Variants in SSR2 observed in about 807,000 individuals in gnomAD.
SSR2 encodes signal sequence receptor subunit 2, also known as translocon-associated protein subunit beta.
Under a neutral mutation model 22.6 loss-of-function variants are expected in SSR2, and 16 were observed. The ratio of observed to expected loss-of-function variants is 0.71; its 90% confidence interval spans 0.48 to 1.08. The LOEUF (loss-of-function observed/expected upper bound fraction) is 1.08, where lower values mean the gene tolerates loss of function less well. Among genes scored for constraint, SSR2 ranks in the 50% least tolerant of loss-of-function variants. The pLI is 0.00. For synonymous variants in SSR2, 83 were observed against 91.2 expected (o/e 0.91, Z 0.51); for missense variants, 171 against 221.6 (o/e 0.77, Z 1.45).
At chr1:156,017,960 G>C (rs1191114172) in intron 3 of SSR2, among the ~76,000 whole-genome samples, 4 of 150,976 alleles carry the variant, frequency 2.6e-5, no homozygotes, top group East Asian at 2.0e-4. Context: ...ATGTTGGCCA[G>C]GATGGTCTCA....
Position 156,018,313 on chromosome 1 carries a change from TGCCAAA to T in SSR2, c.205_210del (p.Phe69_Gly70del). ...TTGACATTGAGCATTCCAGACACAA[TGCCAAA>T]GTCTTCTGGAGGGAAGGAATCATCA... On this transcript the variant is annotated inframe_deletion, in exon 3 of 6. Transcript: ENST00000295702. The T allele has an allele frequency of 6.2e-7, 1 of 1,614,018 alleles. No homozygotes were observed. Among genetic ancestry groups the T allele is most frequent in the Non-Finnish European group, 8.5e-7 (1 of 1,179,972 alleles).
rs1683029472 is a variant in SSR2, at chr1:156,014,958, C to G, written c.363+3G>C. The G allele has an allele frequency of 6.2e-7, 1 of 1,612,398 alleles. No homozygotes were observed. Among genetic ancestry groups the G allele is most frequent in the Admixed American group, 1.7e-5 (1 of 59,910 alleles). On this transcript the variant is annotated splice_donor_region_variant and intron_variant, in intron 4 of 5. Coordinates refer to ENST00000295702, the MANE Select transcript of SSR2 (RefSeq NM_003145.4). ...CATCCAGCTAAGGGTTTGGGCAACT[C>G]ACCACAACGGGCCCATCCTCCTGGG...
At chr1:156,020,322 T>A in intron 1 of SSR2, 155 bp from the exon 2 acceptor site, 1 of 681,712 alleles carries the variant, frequency 1.5e-6, no homozygotes, top group Non-Finnish European at 2.4e-6. Context: ...AGACCCGTTC[T>A]CCAGACTCTC....
Position 156,009,246 on chromosome 1 carries a change from G to A in SSR2, c.*294C>T. The A allele has an allele frequency of 3.2e-6, 1 of 312,194 alleles. No individual in the cohort carries two copies. The highest frequency in any genetic ancestry group is 3.7e-5 in the South Asian group (1 of 26,960). 19.3% of individuals were successfully genotyped at this position (312,194 alleles called of 1,614,324 possible). A position where few individuals can be genotyped will look rare whatever the true frequency, so the allele number is the denominator to read the frequency against. The stretch of plus-strand genomic sequence containing the variant: ...CTAGACCCCTGAGAGAATTCACGTT[G>A]CCAGCAATAAACCAACAGCACCTCA... On this transcript the variant is annotated 3_prime_UTR_variant, in exon 6 of 6. Coordinates refer to ENST00000295702, the MANE Select transcript of SSR2 (RefSeq NM_003145.4).
Position 156,020,111 on chromosome 1 carries a change from T to A in SSR2, c.57A>T (p.Glu19Asp). The change falls in exon 2 of 6, where the codon GAA becomes GAT. Residue 19 changes from glutamate (E) to aspartate (D), a missense_variant. By Grantham distance (45) the Glu-to-Asp change is conservative (BLOSUM62 2). Transcript: ENST00000295702. ...LALFAVTQAE[E>D]GARLLASKSL... is the part of the protein sequence containing the mutation. ...ATTTGGAAGCCAAAAGCCTGGCTCC[T>A]TCCTCTGCTTGAGTGACAGCAAATA... 2 of 1,614,180 alleles carry A rather than the reference T, an allele frequency of 1.2e-6. No individual in the cohort carries two copies. The highest frequency in any genetic ancestry group is 2.7e-5 in the African/African-American group (2 of 75,044).
At chr1:156,018,533 C>A (rs571434882) in intron 2 of SSR2, among the ~76,000 whole-genome samples, 165 bp from the exon 3 acceptor site, 7 of 151,804 alleles carry the variant, frequency 4.6e-5, no homozygotes, top group African/African-American at 1.5e-4. Context: ...CATGGTGAAA[C>A]CCTGTCTCTA....
At chr1:156,010,836 T>C (rs979727115) in intron 5 of SSR2, 1 of 152,328 alleles carries the variant, frequency 6.6e-6, no homozygotes, top group Admixed American at 6.6e-5. Context: ...CATGCTTTTC[T>C]CAATCTCGGC....
intron 2 of SSR2, chr1:156,019,215 G>A (rs1211503717): frequency 2.2e-6 from 1 of 450,990 alleles, no homozygotes; most frequent in South Asian, 1.6e-5. Context: ...AAGTATCCAG[G>A]AGGCAATAGG....
rs1169214264 is a variant in SSR2, at chr1:156,015,505, C to CAA, written c.255-438_255-437dup. On this transcript the variant is annotated intron_variant, in intron 3 of 5. Coordinates refer to ENST00000295702, the MANE Select transcript of SSR2 (RefSeq NM_003145.4). Reference sequence around the variant, plus strand: ...TGGGTAACAGAGTGAGACTCCGCCTCAAAAAAAAAAAAAAAAAAAAAAAAA... The same window carrying CAA: ...TGGGTAACAGAGTGAGACTCCGCCTCAAAAAAAAAAAAAAAAAAAAAAAAAAA... 7.2e-3 allele frequency among the ~76,000 whole-genome samples: 297 copies of CAA among 41,030 alleles called. 18 individuals carry two copies. The highest frequency in any genetic ancestry group is 0.067 in the East Asian group (34 of 510). The allele number at this position is 41,030 out of a possible 152,430, so 26.9% of individuals were successfully genotyped here. A position where few individuals can be genotyped will look rare whatever the true frequency, so the allele number is the denominator to read the frequency against.
chr1:156,017,636 C>G (rs1393011217), intron 3 of SSR2, among the ~76,000 whole-genome samples: 1 of 151,354 alleles, frequency 6.6e-6, no homozygotes, highest in Non-Finnish European at 1.5e-5. Flanking sequence ...GCATGAGCCA[C>G]TGTGCCTGGC....
intron 2 of SSR2, chr1:156,019,294 G>A: frequency 4.5e-6 from 2 of 446,278 alleles, no homozygotes; most frequent in Non-Finnish European, 9.0e-6. Flanking sequence ...GGGAGAAGAG[G>A]AACACAGTGA....
Position 156,020,177 on chromosome 1 carries a change from A to G in SSR2, c.1-10T>C, listed in dbSNP as rs185686947. On this transcript the variant is annotated splice_polypyrimidine_tract_variant and intron_variant, in intron 1 of 5. Transcript: ENST00000295702. ...ATGACAGCAGCCTCATCTTTAGAGA[A>G]AAAAGCAAAGTGAGTTATCAAACCA... is the stretch of plus-strand genomic sequence containing the variant. 1.1e-4 allele frequency: 176 copies of G among 1,613,116 alleles called. 1 individual carries two copies. In the African/African-American group the frequency reaches 2.1e-3, roughly 19 times the overall value.
intron 3 of SSR2, among the ~76,000 whole-genome samples, chr1:156,015,535 A>AATATATATATATATATATATATAT (rs1553254277): frequency 2.1e-5 from 1 of 46,772 alleles, no homozygotes; most frequent in African/African-American, 8.0e-5. Flanking sequence ...AAAAAAAAAA[A>AATATATATATATATATATATATAT]ATATATATAT....
chr1:156,020,763 C>A (rs1683140450), intron 1 of SSR2, 125 bp downstream of exon 1: 1 of 412,346 alleles, frequency 2.4e-6, no homozygotes, highest in Non-Finnish European at 5.2e-6. Flanking sequence ...CAAGGTTACA[C>A]GTCCTCCAGC....
intron 4 of SSR2, chr1:156,012,125 C>G (rs1359422086): frequency 2.4e-6 from 1 of 420,688 alleles, no homozygotes; most frequent in Non-Finnish European, 4.4e-6. Flanking sequence ...TGAGAAATAC[C>G]CCATGGAGAA....
chr1:156,017,739 GTTTTTTTTTTTTTTTT>G (rs757236241), intron 3 of SSR2, among the ~76,000 whole-genome samples: 1 of 61,886 alleles, frequency 1.6e-5, no homozygotes, highest in Non-Finnish European at 2.7e-5. Context: ...TATGTTTCAG[GTTTTTTTTTTTTTTTT>G]TTTTTTTTTT....
chr1:156,020,271 C>T, intron 1 of SSR2, 104 bp from the exon 2 acceptor site: 2 of 1,245,846 alleles, frequency 1.6e-6, no homozygotes. Flanking sequence ...GCTACCAGAA[C>T]AGCAGCCCCT....
At chr1:156,011,689 C>CA in intron 5 of SSR2, 121 bp downstream of exon 5, 1 of 773,662 alleles carries the variant, frequency 1.3e-6, no homozygotes, top group Non-Finnish European at 2.1e-6. Flanking sequence ...TATCAGACAC[C>CA]AAAAAACACA....
In SSR2 at chr1:156,009,411, G is replaced by A; in HGVS notation, c.*129C>T. 1.3e-6 allele frequency: 1 copy of A among 747,784 alleles called. No individual in the cohort carries two copies. The highest frequency in any genetic ancestry group is 2.3e-6 in the Non-Finnish European group (1 of 430,880). The allele number at this position is 747,784 out of a possible 1,614,324, so 46.3% of individuals were successfully genotyped here. On this transcript the variant is annotated 3_prime_UTR_variant, in exon 6 of 6. Coordinates refer to ENST00000295702, the MANE Select transcript of SSR2 (RefSeq NM_003145.4). ...ATGGCTGAGAGCAGGGCAGGATCCA[G>A]GAGAAAGTGGCCAAGGGCTAAGAGA...
Sources: gnomAD v4.1 joint callset for allele counts (sites outside exome capture counted in the v4.1 genomes callset) on GRCh38, gnomAD v4.1.1 for gene constraint, MANE v1.5 for transcripts, NCBI Gene and HGNC (gene_info 2026-07-23, HGNC 2026-07-21) for gene names.